Variants in LCOR observed in about 807,000 individuals in gnomAD.
LCOR encodes the protein ligand dependent nuclear receptor corepressor, also known as ligand-dependent corepressor.
A neutral mutation model predicts 64.4 loss-of-function variants in LCOR; 14 were observed. The ratio of observed to expected loss-of-function variants is 0.22; its 90% CI spans 0.14 to 0.34. The LOEUF (loss-of-function observed/expected upper bound fraction) is 0.34. Ranked by LOEUF, LCOR falls within the 10% of genes least tolerant of loss-of-function variation. The probability of loss-of-function intolerance (pLI) is 1.00; values close to 1 mark genes in which losing one functional copy is unlikely to be tolerated. For synonymous variants in LCOR, 643 were observed against 642.5 expected (o/e 1.00, Z -0.01); for missense variants, 1,686 against 1,765.3 (o/e 0.96, Z 0.80).
chr10:96,923,935 A>G (rs771098086), intron 4 of LCOR, among the ~76,000 whole-genome samples: 1 of 152,218 alleles, frequency 6.6e-6, no homozygotes, highest in East Asian at 1.9e-4. Context: ...TGTAAAACCT[A>G]AAATATTTAC....
chr10:96,960,543 A>G (rs1847863234), intron 7 of LCOR: 1 of 152,196 alleles, frequency 6.6e-6, no homozygotes, highest in Admixed American at 6.5e-5. Flanking sequence ...GAATATGGCA[A>G]TAGACAGAAT....
At position 96,852,185 on chromosome 10, in the gene LCOR, G is replaced by T. The variant is rs186266005; in HGVS notation, c.-330+18706G>T. Among the ~76,000 whole-genome samples, 400 of 152,322 alleles carry T rather than the reference G, an allele frequency of 2.6e-3. 5 individuals carry two copies. The highest frequency in any genetic ancestry group is 7.8e-3 in the African/African-American group (324 of 41,560). ...TAATCCCAGCACTTTGGGAGGCTCAGGTGGGAGGATCGCTTGAGCCCAGGA... is the reference window on the plus strand; with the variant it reads ...TAATCCCAGCACTTTGGGAGGCTCATGTGGGAGGATCGCTTGAGCCCAGGA... On this transcript the variant is annotated intron_variant, in intron 2 of 7. Transcript: ENST00000421806.
In LCOR at chr10:96,893,139, T is replaced by C. The variant is rs538233144; in HGVS notation, c.-329-14126T>C. ...TAATTAACACCTTCATTTGTAGCAG[T>C]CTATTTTGAATTAATAACAACTTGG... On this transcript the variant is annotated intron_variant, in intron 2 of 7. Coordinates refer to ENST00000421806, the MANE Select transcript of LCOR (RefSeq NM_001346516.2). Among the ~76,000 whole-genome samples the C allele has an allele frequency of 2.1e-4, 32 of 152,314 alleles. No homozygotes were observed. In the South Asian group the frequency reaches 6.2e-3, roughly 30 times the overall value.
chr10:96,978,535 A>G (rs747779406), intron 7 of LCOR, among the ~76,000 whole-genome samples: 1 of 152,166 alleles, frequency 6.6e-6, no homozygotes, highest in Non-Finnish European at 1.5e-5. Context: ...ATTTTTTCCT[A>G]GAGTATTCAC....
At chr10:96,873,570 A>ATGTG (rs1846109539) in intron 2 of LCOR, among the ~76,000 whole-genome samples, 3 of 66,416 alleles carry the variant, frequency 4.5e-5, no homozygotes, top group East Asian at 8.8e-4. Flanking sequence ...ACACACACAC[A>ATGTG]CGTGTGTGTG....
rs548205605 is a variant in LCOR, at chr10:96,879,785, C to T, written c.-329-27480C>T. 2.0e-5 allele frequency among the ~76,000 whole-genome samples: 3 copies of T among 152,326 alleles called. No homozygotes were observed. The East Asian group carries it at 5.8e-4, about 29-fold the overall frequency. ...CAAGCTTTTCTCATGCCTCAGCCTC[C>T]TGAGTGTGCTAGGATTACAGGCGTG... On this transcript the variant is annotated intron_variant, in intron 2 of 7. Coordinates refer to ENST00000421806, the MANE Select transcript of LCOR (RefSeq NM_001346516.2).
intron 7 of LCOR, chr10:96,955,928 C>G (rs753613252): frequency 1.9e-6 from 3 of 1,607,792 alleles, no homozygotes; most frequent in South Asian, 2.2e-5. Flanking sequence ...AGTAGGAATA[C>G]TGTAGAGTGC....
rs1371771053 is a variant in LCOR at position 96,989,695 on chromosome 10, A to ATATATATATATAT, written c.*4562_*4563insATATATATATATT. ...TAAGGATATATATATATATATATAT[A>ATATATATATATAT]TTTTTTTTTTTTTTTTTTTTTTTTA... On this transcript the variant is annotated 3_prime_UTR_variant, in exon 8 of 8. Coordinates refer to ENST00000421806, the MANE Select transcript of LCOR (RefSeq NM_001346516.2). 9 of 86,162 alleles carry ATATATATATATAT rather than the reference A, an allele frequency of 1.0e-4. No individual in the cohort carries two copies. Among genetic ancestry groups the ATATATATATATAT allele is most frequent in the Non-Finnish European group, 1.4e-4 (7 of 50,718 alleles). The allele number at this position is 86,162 out of a possible 1,614,324, so 5.3% of individuals were successfully genotyped here.
intron 2 of LCOR, among the ~76,000 whole-genome samples, chr10:96,895,657 C>G (rs1846524175): frequency 6.6e-6 from 1 of 152,208 alleles, no homozygotes; most frequent in South Asian, 2.1e-4. Context: ...TACTTCCCAT[C>G]TTAAATCACC....
chr10:96,923,829 T>A (rs1847122019), intron 4 of LCOR, among the ~76,000 whole-genome samples: 1 of 152,148 alleles, frequency 6.6e-6, no homozygotes, highest in Non-Finnish European at 1.5e-5. Flanking sequence ...AAACTAAGAC[T>A]TGTCACTAAA....
chr10:96,927,447 G>GA lies in LCOR; in HGVS notation c.-183-16662dup, dbSNP rs1677791856. Among the ~76,000 whole-genome samples the GA allele has an allele frequency of 9.2e-5, 14 of 151,612 alleles. No individual in the cohort carries two copies. In the South Asian group the frequency reaches 2.9e-3, roughly 32 times the overall value. ...GCTTGTCTTTTTCTTTGCGTCATTT[G>GA]AAAAGCAGTTTTTTTTTTATCTCAA... On this transcript the variant is annotated intron_variant, in intron 4 of 7. Transcript: ENST00000421806.
intron 5 of LCOR, among the ~76,000 whole-genome samples, chr10:96,945,963 C>T (rs756395326): frequency 1.3e-5 from 2 of 150,368 alleles, no homozygotes; most frequent in South Asian, 4.2e-4. Flanking sequence ...TGGGTTATAA[C>T]CTTTAGGGGA....
At chr10:96,838,920 C>T (rs1589596006) in intron 2 of LCOR, among the ~76,000 whole-genome samples, 1 of 152,156 alleles carries the variant, frequency 6.6e-6, no homozygotes, top group African/African-American at 2.4e-5. Context: ...AAAGTGGCTA[C>T]GGTATTTTAC....
At chr10:96,879,912 C>T (rs1846233397) in intron 2 of LCOR, among the ~76,000 whole-genome samples, 2 of 152,194 alleles carry the variant, frequency 1.3e-5, no homozygotes, top group African/African-American at 4.8e-5. Context: ...ATCTGCCCAC[C>T]TCGGCCTCCC....
chr10:96,882,322 C>G (rs1846277168), intron 2 of LCOR, among the ~76,000 whole-genome samples: 1 of 152,268 alleles, frequency 6.6e-6, no homozygotes, highest in African/African-American at 2.4e-5. Context: ...CAGCCTGATA[C>G]AGAAAGGTTG....
chr10:96,951,840 A>C (rs1847686011), intron 6 of LCOR, among the ~76,000 whole-genome samples: 1 of 152,218 alleles, frequency 6.6e-6, no homozygotes, highest in Non-Finnish European at 1.5e-5. Context: ...GTATTTCACT[A>C]TATCTTAACA....
chr10:96,976,096 T>C (rs1400700767), intron 7 of LCOR, among the ~76,000 whole-genome samples: 1 of 152,192 alleles, frequency 6.6e-6, no homozygotes, highest in Admixed American at 6.5e-5. Flanking sequence ...GGGGTAGTTT[T>C]GAGCTGGCCA....
chr10:96,893,633 G>T (rs1425545485), intron 2 of LCOR, among the ~76,000 whole-genome samples: 4 of 151,970 alleles, frequency 2.6e-5, no homozygotes, highest in African/African-American at 9.7e-5. Context: ...CATGGTGGTG[G>T]GCATCTGTAG....
intron 2 of LCOR, among the ~76,000 whole-genome samples, chr10:96,889,603 AC>A (rs1589634353): frequency 1.3e-5 from 2 of 152,238 alleles, no homozygotes; most frequent in East Asian, 3.9e-4. Flanking sequence ...CAGATCAGGG[AC>A]CCACCCTTCT....
Sources: gnomAD v4.1 joint callset for allele counts (sites outside exome capture counted in the v4.1 genomes callset) on GRCh38, gnomAD v4.1.1 for gene constraint, MANE v1.5 for transcripts, NCBI Gene and HGNC (gene_info 2026-07-23, HGNC 2026-07-21) for gene names.